Variants in PUM1 observed in about 807,000 individuals in gnomAD.
The protein encoded by PUM1 is pumilio RNA binding family member 1, also known as pumilio homolog 1.
PUM1 carries 13 observed loss-of-function variants against 131.8 expected under a neutral mutation model. That is an observed-to-expected ratio of 0.10 (90% CI 0.06 to 0.16). The LOEUF (loss-of-function observed/expected upper bound fraction) is 0.16. PUM1 is among the 10% of genes least tolerant of loss of function. The probability of loss-of-function intolerance (pLI) is 1.00; values close to 1 mark genes in which losing one functional copy is unlikely to be tolerated. For synonymous variants in PUM1, 509 were observed against 556.5 expected (o/e 0.91, Z 1.20); for missense variants, 961 against 1,512.4 (o/e 0.64, Z 6.05).
intron 7 of PUM1, among the ~76,000 whole-genome samples, chr1:30,991,065 C>T (rs2124483932): frequency 8.0e-6 from 1 of 124,836 alleles, no homozygotes; most frequent in African/African-American, 3.7e-5. Flanking sequence ...AAGTAAAGAA[C>T]AGTTTAAAAA....
intron 6 of PUM1, 41 bp downstream of exon 6, chr1:30,995,013 A>G (rs1490486223): frequency 1.9e-6 from 3 of 1,582,182 alleles, no homozygotes; most frequent in Non-Finnish European, 1.7e-6. Flanking sequence ...ACAAAATCCC[A>G]TAGCCCATAT....
intron 12 of PUM1, 38 bp from the exon 13 acceptor site, chr1:30,966,316 G>A: frequency 6.6e-7 from 1 of 1,519,222 alleles, no homozygotes; most frequent in Non-Finnish European, 8.8e-7. Context: ...CTATGAAAGG[G>A]ACTGGCCACA....
At chr1:30,959,751 C>T (rs1413208554) in intron 14 of PUM1, among the ~76,000 whole-genome samples, 1 of 151,604 alleles carries the variant, frequency 6.6e-6, no homozygotes, top group Non-Finnish European at 1.5e-5. Flanking sequence ...ACAAAAAATA[C>T]AAAAAATTAG....
rs764344041 is a variant in PUM1 at position 30,953,771 on chromosome 1, T to C, written c.2534A>G (p.Gln845Arg). 4.3e-6 allele frequency: 7 copies of C among 1,614,198 alleles called. No homozygotes were observed. The Admixed American group carries it at 1.2e-4, about 27-fold the overall frequency. The change falls in exon 15 of 22, where the codon CAA becomes CGA. Residue 845 changes from glutamine (Q) to arginine (R), a missense_variant. By Grantham distance (43) the Gln-to-Arg change is conservative (BLOSUM62 1). Transcript: ENST00000426105. ...TATATGTCCAGCAATCTCCCGCAGT[T>C]GTAAATTGGGGTACCGGTTGTTTCG... ...DFRNNRYPNL[Q>R]LREIAGHIME...
rs770921768 is a variant in PUM1 at position 31,005,811 on chromosome 1, G to A, written c.720+42C>T. ...AAAAAAAGAGAGAGAGAGAGAGAGA[G>A]AGAGAGAGAGAGATAGGAACAAGTT... On this transcript the variant is annotated intron_variant, in intron 5 of 21. Coordinates refer to ENST00000426105, the MANE Select transcript of PUM1 (RefSeq NM_001020658.2). The A allele has an allele frequency of 2.6e-6, 4 of 1,521,888 alleles. 1 individual carries two copies. Among genetic ancestry groups the A allele is most frequent in the Middle Eastern group, 3.5e-4 (2 of 5,662 alleles). The allele number at this position is 1,521,888 out of a possible 1,614,324, so 94.3% of individuals were successfully genotyped here. A position where few individuals can be genotyped will look rare whatever the true frequency, so the allele number is the denominator to read the frequency against.
At chr1:31,034,884 C>T (rs1643554321) in intron 2 of PUM1, among the ~76,000 whole-genome samples, 1 of 151,914 alleles carries the variant, frequency 6.6e-6, no homozygotes. Context: ...TCGTTGATGC[C>T]AGGAACCATT....
At chr1:31,061,158 T>C (rs1644358928) in intron 1 of PUM1, among the ~76,000 whole-genome samples, 1 of 152,168 alleles carries the variant, frequency 6.6e-6, no homozygotes, top group African/African-American at 2.4e-5. Flanking sequence ...TTCATATTAG[T>C]GTAGAAAGCC....
At chr1:31,057,724 C>CAAAAAAAAAA (rs58490041) in intron 2 of PUM1, among the ~76,000 whole-genome samples, 2 of 72,484 alleles carry the variant, frequency 2.8e-5, no homozygotes, top group Admixed American at 1.8e-4. Flanking sequence ...GACTCCATCT[C>CAAAAAAAAAA]AAAAAAAAAA....
chr1:31,040,594 A>G (rs1377283215), intron 2 of PUM1, among the ~76,000 whole-genome samples: 1 of 152,152 alleles, frequency 6.6e-6, no homozygotes, highest in Non-Finnish European at 1.5e-5. Flanking sequence ...GCCAGTAAGG[A>G]CTGGAGAGGC....
chr1:30,974,012 C>T (rs557836757), intron 10 of PUM1, among the ~76,000 whole-genome samples: 5 of 151,290 alleles, frequency 3.3e-5, no homozygotes, highest in East Asian at 1.9e-4. Flanking sequence ...TGCTTGAATC[C>T]GGGATGCGGA....
intron 15 of PUM1, among the ~76,000 whole-genome samples, chr1:30,952,666 G>C (rs895766606): frequency 1.7e-5 from 2 of 117,658 alleles, no homozygotes; most frequent in African/African-American, 5.8e-5. Flanking sequence ...TGGGAGGGAA[G>C]ATGAAAGCGG....
At chr1:31,054,535 TAAAAAAAA>T (rs555867693) in intron 2 of PUM1, among the ~76,000 whole-genome samples, 2,703 of 83,408 alleles carry the variant, frequency 0.032, 86 homozygotes, top group African/African-American at 0.094. Flanking sequence ...AAAGGGCCAC[TAAAAAAAA>T]AAAAAAAAAA....
intron 3 of PUM1, 118 bp downstream of exon 3, chr1:31,028,678 G>A: frequency 2.2e-6 from 2 of 889,912 alleles, no homozygotes; most frequent in African/African-American, 1.7e-5. Context: ...CATGAGAATG[G>A]CAACAAGGAA....
Position 30,931,548 on chromosome 1 carries a change from T to C in PUM1, c.*1663A>G, listed in dbSNP as rs1436252251. ...TATTTTTCAAAATAAAGATCACACA[T>C]TGTTTAGAGACAATCTACACAAGAG... On this transcript the variant is annotated 3_prime_UTR_variant, in exon 22 of 22. Transcript: ENST00000426105. 6.6e-6 allele frequency: 1 copy of C among 151,368 alleles called. No homozygotes were observed. The highest frequency in any genetic ancestry group is 2.0e-4 in the East Asian group (1 of 5,122). The allele number at this position is 151,368 out of a possible 1,614,324, so 9.4% of individuals were successfully genotyped here. A position where few individuals can be genotyped will look rare whatever the true frequency, so the allele number is the denominator to read the frequency against.
chr1:30,981,290 A>G, intron 8 of PUM1, 22 bp downstream of exon 8: 1 of 1,477,306 alleles, frequency 6.8e-7, no homozygotes, highest in Non-Finnish European at 9.3e-7. Flanking sequence ...ATCATGAAAG[A>G]GCTATGGGCT....
At chr1:30,933,992 G>A (rs1027153844) in intron 21 of PUM1, among the ~76,000 whole-genome samples, 1 of 152,214 alleles carries the variant, frequency 6.6e-6, no homozygotes, top group African/African-American at 2.4e-5. Context: ...ACAGATAGCT[G>A]AGCCCAAACT....
At chr1:31,011,837 T>G (rs1296274035) in intron 3 of PUM1, among the ~76,000 whole-genome samples, 1 of 152,128 alleles carries the variant, frequency 6.6e-6, no homozygotes, top group Non-Finnish European at 1.5e-5. Flanking sequence ...AGATGTAGAG[T>G]TTGTTTTAAA....
chr1:30,975,199 T>C (rs1051323013), intron 9 of PUM1, among the ~76,000 whole-genome samples: 1 of 152,226 alleles, frequency 6.6e-6, no homozygotes, highest in Non-Finnish European at 1.5e-5. Context: ...ATGTATCCTA[T>C]GTTCAATGAT....
At chr1:30,998,079 T>A (rs551056601) in intron 5 of PUM1, among the ~76,000 whole-genome samples, 2 of 152,194 alleles carry the variant, frequency 1.3e-5, no homozygotes, top group African/African-American at 4.8e-5. Flanking sequence ...TTTTAGAGAG[T>A]GGGGAACCCA....
Sources: gnomAD v4.1 joint callset for allele counts (sites outside exome capture counted in the v4.1 genomes callset) on GRCh38, gnomAD v4.1.1 for gene constraint, MANE v1.5 for transcripts, NCBI Gene and HGNC (gene_info 2026-07-23, HGNC 2026-07-21) for gene names.